GALNT13: variants seen among roughly 807,000 people sequenced by gnomAD.
GALNT13 encodes UDP-GalNAc:polypeptide N-acetylgalactosaminyltransferase 13.
A neutral mutation model predicts 64.2 loss-of-function variants in GALNT13; 28 were observed. The ratio of observed to expected loss-of-function variants is 0.44; its 90% CI spans 0.32 to 0.60. The LOEUF is 0.60. Among genes scored for constraint, GALNT13 ranks in the 20% least tolerant of loss-of-function variants. The pLI, the probability that GALNT13 is intolerant of heterozygous loss-of-function variation, is 0.05. For missense variants in GALNT13, 577 were observed against 669.8 expected, an observed-to-expected ratio of 0.86 and a Z score of 1.53; for synonymous variants, 214 against 224.6, an observed-to-expected ratio of 0.95 and a Z score of 0.42.
chr2:153,224,980 A>G, the GALNT13 span, among the ~76,000 whole-genome samples: 1 of 152,354 alleles, frequency 6.6e-6, no homozygotes, highest in African/African-American at 2.4e-5. Context: ...ATTCTATGAG[A>G]CCAGAATTCC....
At chr2:153,122,656 T>TG in the GALNT13 span, among the ~76,000 whole-genome samples, 1 of 152,176 alleles carries the variant, frequency 6.6e-6, no homozygotes, top group Non-Finnish European at 1.5e-5. Flanking sequence ...AATTGTGGTC[T>TG]GGGCGCCACT....
chr2:154,255,681 T>C (rs548735627), intron 7 of GALNT13, among the ~76,000 whole-genome samples: 1 of 152,040 alleles, frequency 6.6e-6, no homozygotes, highest in South Asian at 2.1e-4. Context: ...TGAAGGAGTT[T>C]AGATTTCATG....
chr2:153,301,384 AT>A, the GALNT13 span, among the ~76,000 whole-genome samples: 1 of 151,372 alleles, frequency 6.6e-6, no homozygotes, highest in Admixed American at 6.6e-5. Flanking sequence ...TCCTTAAGAA[AT>A]TTTAAATTAT....
At chr2:153,416,747 C>T in the GALNT13 span, among the ~76,000 whole-genome samples, 4 of 152,104 alleles carry the variant, frequency 2.6e-5, no homozygotes, top group Non-Finnish European at 4.4e-5. Context: ...CCAGATACTC[C>T]TCTATGTGAT....
At chr2:154,149,608 A>T (rs1033809586) in intron 4 of GALNT13, among the ~76,000 whole-genome samples, 9 of 152,070 alleles carry the variant, frequency 5.9e-5, no homozygotes, top group Non-Finnish European at 2.9e-5. Flanking sequence ...TTCCTTGAGC[A>T]GTGGTTTATG....
the GALNT13 span, among the ~76,000 whole-genome samples, chr2:153,299,650 G>A: frequency 6.6e-6 from 1 of 152,172 alleles, no homozygotes; most frequent in African/African-American, 2.4e-5. Context: ...CCAATGGGAA[G>A]CCAAAAGTCA....
chr2:154,036,646 C>T (rs891226831), intron 3 of GALNT13, among the ~76,000 whole-genome samples: 2 of 152,022 alleles, frequency 1.3e-5, no homozygotes, highest in Non-Finnish European at 2.9e-5. Context: ...TATTTTTTAA[C>T]TAAAATATTT....
rs1275239188 is a variant in GALNT13, at chr2:154,036,056, C to A, written c.142+91417C>A. ...TCTAATAAGAGCTGATTGGTTATTT[C>A]TCCCCTTAGTATATATAAATGTAGC... On this transcript the variant is annotated intron_variant, in intron 3 of 12. Transcript: ENST00000392825. Among the ~76,000 whole-genome samples the A allele has an allele frequency of 3.9e-5, 6 of 151,942 alleles. No individual in the cohort carries two copies. The East Asian group carries it at 1.2e-3, about 29-fold the overall frequency.
At chr2:153,345,013 A>G in the GALNT13 span, among the ~76,000 whole-genome samples, 3 of 152,350 alleles carry the variant, frequency 2.0e-5, no homozygotes, top group East Asian at 5.8e-4. Flanking sequence ...AGTAAAATCA[A>G]TACATCTGAA....
At chr2:154,056,933 T>C (rs867644625) in intron 3 of GALNT13, among the ~76,000 whole-genome samples, 44 of 152,084 alleles carry the variant, frequency 2.9e-4, no homozygotes, top group Admixed American at 2.4e-3. Flanking sequence ...TTTCTACTTA[T>C]GTTTTTCATT....
the GALNT13 span, among the ~76,000 whole-genome samples, chr2:153,516,622 G>A: frequency 6.6e-6 from 1 of 152,080 alleles, no homozygotes; most frequent in Non-Finnish European, 1.5e-5. Flanking sequence ...TGGGAGGATA[G>A]AGAATAATTG....
intron 9 of GALNT13, among the ~76,000 whole-genome samples, chr2:154,369,262 A>G (rs1697547081): frequency 6.6e-6 from 1 of 152,064 alleles, no homozygotes; most frequent in African/African-American, 2.4e-5. Flanking sequence ...AAGAGCACAA[A>G]CTTTGTAAAC....
chr2:153,551,431 T>C, the GALNT13 span, among the ~76,000 whole-genome samples: 4 of 152,048 alleles, frequency 2.6e-5, no homozygotes, highest in Non-Finnish European at 1.5e-5. Context: ...CAGGGCAGAA[T>C]TGAGGAAGAC....
intron 8 of GALNT13, among the ~76,000 whole-genome samples, chr2:154,273,509 A>T (rs1463912385): frequency 6.6e-6 from 1 of 152,160 alleles, no homozygotes; most frequent in Non-Finnish European, 1.5e-5. Context: ...ATGTGTACCT[A>T]TTTGCCACAT....
chr2:154,151,327 G>T (rs1481735998), intron 4 of GALNT13, among the ~76,000 whole-genome samples: 3 of 152,134 alleles, frequency 2.0e-5, no homozygotes, highest in Admixed American at 1.3e-4. Flanking sequence ...TTTTACATTT[G>T]CTGAGGAGAG....
intron 3 of GALNT13, among the ~76,000 whole-genome samples, chr2:154,056,630 A>G (rs1348502365): frequency 1.3e-5 from 2 of 152,294 alleles, no homozygotes; most frequent in Non-Finnish European, 2.9e-5. Flanking sequence ...CTTATAGCTG[A>G]TATTGATAAC....
chr2:153,602,434 G>A, the GALNT13 span, among the ~76,000 whole-genome samples: 3 of 151,638 alleles, frequency 2.0e-5, no homozygotes, highest in Admixed American at 2.0e-4. Context: ...TAGGGGGGCA[G>A]GTGGTTAATT....
the GALNT13 span, among the ~76,000 whole-genome samples, chr2:153,347,403 T>C: frequency 1.3e-5 from 2 of 152,192 alleles, no homozygotes; most frequent in East Asian, 3.9e-4. Flanking sequence ...CTTATCAGAC[T>C]TCACTTAAGT....
rs137986816 is a variant in GALNT13 at position 154,110,549 on chromosome 2, G to A, written c.143-29788G>A. On this transcript the variant is annotated intron_variant, in intron 3 of 12. Transcript: ENST00000392825. ...CCGATGTTCGAGGGCAGAAAGCATC[G>A]AGCACAGGAGAAATATGTAGGCTGA... Among the ~76,000 whole-genome samples the A allele has an allele frequency of 9.2e-5, 14 of 151,522 alleles. No homozygotes were observed. In the East Asian group the frequency reaches 2.0e-3, roughly 21 times the overall value.
Sources: allele counts gnomAD v4.1 joint callset (sites outside exome capture counted in the v4.1 genomes callset), GRCh38; gene constraint gnomAD v4.1.1; transcripts MANE v1.5; gene names NCBI Gene and HGNC (gene_info 2026-07-23, HGNC 2026-07-21).